BBS7: variants seen among roughly 807,000 people sequenced by gnomAD.
BBS7 encodes Bardet-Biedl syndrome 7.
In BBS7, 50 loss-of-function variants were observed where a neutral mutation model predicts 90.3. The observed-to-expected ratio is 0.55, with a 90% CI of 0.44 to 0.70. The LOEUF (loss-of-function observed/expected upper bound fraction) is 0.70. BBS7 is among the 30% of genes least tolerant of loss of function. The probability of loss-of-function intolerance (pLI) is 0.00; values close to 1 mark genes in which losing one functional copy is unlikely to be tolerated. For synonymous variants in BBS7, 235 were observed against 287.4 expected, an observed-to-expected ratio of 0.82 and a Z score of 1.85; for missense variants, 729 against 838.9, an observed-to-expected ratio of 0.87 and a Z score of 1.62.
intron 12 of BBS7, among the ~76,000 whole-genome samples, chr4:121,842,004 C>A (rs988929359): frequency 6.6e-6 from 1 of 152,096 alleles, no homozygotes; most frequent in Non-Finnish European, 1.5e-5. Flanking sequence ...GTAATCCCAG[C>A]ACTTTGGGAG....
chr4:121,865,285 C>T (rs796629561), intron 2 of BBS7, among the ~76,000 whole-genome samples: 19 of 150,388 alleles, frequency 1.3e-4, no homozygotes, highest in African/African-American at 4.6e-4. Context: ...GTCGGCCAGG[C>T]TGGAGTGCAA....
At chr4:121,827,947 G>A in intron 18 of BBS7, 199 bp downstream of exon 18, 1 of 1,371,782 alleles carries the variant, frequency 7.3e-7, no homozygotes, top group Non-Finnish European at 9.4e-7. Context: ...TCAAGTAAAA[G>A]AATTAAATAT....
chr4:121,846,508 T>G (rs937079713), intron 10 of BBS7, among the ~76,000 whole-genome samples: 1 of 152,136 alleles, frequency 6.6e-6, no homozygotes, highest in African/African-American at 2.4e-5. Flanking sequence ...ACAAATCAGA[T>G]ATAAGTTTCT....
intron 8 of BBS7, among the ~76,000 whole-genome samples, chr4:121,851,395 A>T (rs1334670054): frequency 2.1e-5 from 3 of 144,468 alleles, no homozygotes; most frequent in Admixed American, 1.4e-4. Context: ...AAAAAAAAAG[A>T]AAGGAAAAAA....
rs1297746607 is a variant in BBS7, at chr4:121,828,382, AC to A, written c.1890+19del. 1 of 1,603,060 alleles carries A rather than the reference AC, an allele frequency of 6.2e-7. No homozygotes were observed. The highest frequency in any genetic ancestry group is 8.5e-7 in the Non-Finnish European group (1 of 1,170,094). ...GACTTCAAATAATAATCACCAGTCC[AC>A]GACGACACATGTACTTACTTTTAAA... On this transcript the variant is annotated intron_variant, in intron 17 of 18. Coordinates refer to ENST00000264499, the MANE Select transcript of BBS7 (RefSeq NM_176824.3).
chr4:121,858,249 A>G (rs1221753753), intron 5 of BBS7, among the ~76,000 whole-genome samples: 1 of 152,196 alleles, frequency 6.6e-6, no homozygotes, highest in Non-Finnish European at 1.5e-5. Context: ...CTGTGGTGGC[A>G]TGGACTTCAC....
chr4:121,843,949 C>T lies in BBS7; in HGVS notation c.1283G>A (p.Ser428Asn), dbSNP rs1354556720. 1.2e-6 allele frequency: 2 copies of T among 1,601,588 alleles called. No individual in the cohort carries two copies. Among genetic ancestry groups the T allele is most frequent in the Non-Finnish European group, 1.7e-6 (2 of 1,171,870 alleles). Residue 428 changes from serine (S) to asparagine (N), a missense_variant, in exon 12 of 19, where the codon AGC becomes AAC. By Grantham distance (46) the Ser-to-Asn change is conservative. Transcript: ENST00000264499. ...CACCTCAGAATCACAGCTGCTAAAGCTAACAACAGCAGAATTTTTATCCAC... is the reference window on the plus strand; with the variant it reads ...CACCTCAGAATCACAGCTGCTAAAGTTAACAACAGCAGAATTTTTATCCAC... ...LDVDKNSAVV[S>N]FSSCDSESND...
At chr4:121,831,160 G>A (rs1441842007) in intron 15 of BBS7, among the ~76,000 whole-genome samples, 2 of 152,122 alleles carry the variant, frequency 1.3e-5, no homozygotes, top group East Asian at 1.9e-4. Flanking sequence ...AGCCAAGATC[G>A]TGCCACTGCA....
intron 5 of BBS7, among the ~76,000 whole-genome samples, chr4:121,856,884 C>G (rs965907918): frequency 1.3e-5 from 2 of 151,482 alleles, no homozygotes; most frequent in African/African-American, 4.9e-5. Flanking sequence ...ATTCTCCTGT[C>G]TCAGCTGCCC....
chr4:121,840,634 A>C (rs942870276), intron 12 of BBS7, among the ~76,000 whole-genome samples: 18 of 152,286 alleles, frequency 1.2e-4, no homozygotes, highest in African/African-American at 2.9e-4. Context: ...AAATAGAGAA[A>C]TGTAGCTAGG....
At chr4:121,841,559 C>T (rs1292380267) in intron 12 of BBS7, among the ~76,000 whole-genome samples, 1 of 151,706 alleles carries the variant, frequency 6.6e-6, no homozygotes, top group African/African-American at 2.4e-5. Flanking sequence ...CAGTAAGACC[C>T]CCATCTTTTA....
At position 121,848,908 on chromosome 4, in the gene BBS7, T is replaced by C. The variant is rs373212541; in HGVS notation, c.870A>G (p.Thr290=). 1 of 1,613,942 alleles carries C rather than the reference T, an allele frequency of 6.2e-7. No individual in the cohort carries two copies. The highest frequency in any genetic ancestry group is 8.5e-7 in the Non-Finnish European group (1 of 1,180,006). ...RFDQMLSESV[T]SIQGGCVGKD... ...TTCCTACACAACCACCCTGGATAGA[T>C]GTGACGCTTTCAGACAACATCTAAA... The change falls in exon 9 of 19, where the codon ACA becomes ACG. Residue 290 remains threonine, a synonymous_variant. Coordinates refer to ENST00000264499, the MANE Select transcript of BBS7 (RefSeq NM_176824.3).
At chr4:121,862,217 T>C (rs1351418496) in intron 3 of BBS7, among the ~76,000 whole-genome samples, 1 of 152,232 alleles carries the variant, frequency 6.6e-6, no homozygotes, top group African/African-American at 2.4e-5. Flanking sequence ...CTATAGAATT[T>C]ACTGAAAATG....
At chr4:121,855,845 T>C (rs1379092840) in intron 5 of BBS7, among the ~76,000 whole-genome samples, 1 of 151,696 alleles carries the variant, frequency 6.6e-6, no homozygotes, top group Admixed American at 6.6e-5. Flanking sequence ...TATGTATACA[T>C]ATATGCACAT....
intron 3 of BBS7, among the ~76,000 whole-genome samples, chr4:121,862,979 G>A (rs1727064202): frequency 6.6e-6 from 1 of 152,016 alleles, no homozygotes; most frequent in Non-Finnish European, 1.5e-5. Context: ...CTAAATTTGG[G>A]GTAATATATT....
At chr4:121,828,531 T>C (rs1725016042) in intron 16 of BBS7, 26 bp from the exon 17 acceptor site, 1 of 1,575,036 alleles carries the variant, frequency 6.3e-7, no homozygotes. Flanking sequence ...CAGATGCAGT[T>C]AGATAAATCA....
At chr4:121,829,432 C>T (rs1202869671) in intron 15 of BBS7, among the ~76,000 whole-genome samples, 9 of 152,184 alleles carry the variant, frequency 5.9e-5, no homozygotes, top group East Asian at 1.9e-4. Context: ...AGATGGGGGT[C>T]TCACCATGTT....
rs1724817426 is a variant in BBS7 at position 121,824,541 on chromosome 4, A to C, written c.*1319T>G. ...GCAATTAATTTAAGATGGCACCTTG[A>C]ACTACTGTTGATATATATAATAAAT... On this transcript the variant is annotated 3_prime_UTR_variant, in exon 19 of 19. Transcript: ENST00000264499. This position sits in a 1 kb window ranked among gnomAD's most constrained non-coding sequence, Gnocchi z 4.1. 1 of 152,188 alleles carries C rather than the reference A, an allele frequency of 6.6e-6. No individual in the cohort carries two copies. The highest frequency in any genetic ancestry group is 6.5e-5 in the Admixed American group (1 of 15,280). 9.4% of individuals were successfully genotyped at this position (152,188 alleles called of 1,614,324 possible). A position where few individuals can be genotyped will look rare whatever the true frequency, so the allele number is the denominator to read the frequency against.
At chr4:121,868,371 T>C (rs910207712) in intron 1 of BBS7, among the ~76,000 whole-genome samples, 8 of 151,888 alleles carry the variant, frequency 5.3e-5, no homozygotes, top group Admixed American at 1.3e-4. Context: ...ACTTTGAAAA[T>C]AGATTATAGT....
Sources: allele counts gnomAD v4.1 joint callset (sites outside exome capture counted in the v4.1 genomes callset), GRCh38; gene constraint gnomAD v4.1.1; non-coding constraint Gnocchi (gnomAD v3.1); transcripts MANE v1.5; gene names NCBI Gene and HGNC (gene_info 2026-07-23, HGNC 2026-07-21).